Variants in IPO8 observed in about 807,000 individuals in gnomAD.
The protein encoded by IPO8 is importin 8.
Under a neutral mutation model 141.2 loss-of-function variants are expected in IPO8, and 65 were observed. The ratio of observed to expected loss-of-function variants is 0.46; its 90% CI spans 0.38 to 0.57. The LOEUF (loss-of-function observed/expected upper bound fraction) is 0.57. Among genes scored for constraint, IPO8 ranks in the 20% least tolerant of loss-of-function variants. IPO8 has a pLI of 0.00. For missense variants in IPO8, 980 were observed against 1,246.8 expected, an observed-to-expected ratio of 0.79 and a Z score of 3.22; for synonymous variants, 411 against 420.3, an observed-to-expected ratio of 0.98 and a Z score of 0.27.
At chr12:30,656,585 A>G in intron 17 of IPO8, 99 bp downstream of exon 17, 1 of 612,416 alleles carries the variant, frequency 1.6e-6, no homozygotes, top group Non-Finnish European at 2.8e-6. Flanking sequence ...CTTTCTCAAA[A>G]TTGTCCATCT....
intron 22 of IPO8, 138 bp downstream of exon 22, chr12:30,636,844 G>T: frequency 1.4e-6 from 1 of 730,830 alleles, no homozygotes; most frequent in Non-Finnish European, 2.2e-6. Context: ...AGTCAACCAA[G>T]CCCAAAATAT....
At chr12:30,652,145 AAACATT>A in intron 19 of IPO8, 41 bp downstream of exon 19, 1 of 1,086,844 alleles carries the variant, frequency 9.2e-7, no homozygotes, top group Non-Finnish European at 1.4e-6. Flanking sequence ...CAAAACAGGC[AAACATT>A]AGTTAAGAAC....
At position 30,665,357 on chromosome 12, in the gene IPO8, G is replaced by T. The variant is rs749210446; in HGVS notation, c.1339-48C>A. 6 of 1,042,850 alleles carry T rather than the reference G, an allele frequency of 5.8e-6. No homozygotes were observed. In the Admixed American group the frequency reaches 1.1e-4, roughly 20 times the overall value. 64.6% of individuals were successfully genotyped at this position (1,042,850 alleles called of 1,614,324 possible). A position where few individuals can be genotyped will look rare whatever the true frequency, so the allele number is the denominator to read the frequency against. Reference sequence around the variant, plus strand: ...TTATCAATTTCTTTTTCATACGTAAGAATCACTTCCTAATCAAGTGTGTTT... The same window carrying T: ...TTATCAATTTCTTTTTCATACGTAATAATCACTTCCTAATCAAGTGTGTTT... On this transcript the variant is annotated intron_variant, in intron 12 of 24. Transcript: ENST00000256079.
intron 13 of IPO8, among the ~76,000 whole-genome samples, chr12:30,664,513 T>A (rs2136151907): frequency 6.6e-6 from 1 of 152,314 alleles, no homozygotes; most frequent in Middle Eastern, 3.4e-3. Context: ...ACATGGATTA[T>A]TAATCTCTCC....
Position 30,674,653 on chromosome 12 carries a change from A to C in IPO8, c.824+6T>G. 6.3e-7 allele frequency: 1 copy of C among 1,581,744 alleles called. No homozygotes were observed. The highest frequency in any genetic ancestry group is 8.7e-7 in the Non-Finnish European group (1 of 1,150,686). ...ATGATCATCAATGTAATAAACAGAT[A>C]ATTACCGTTCAAAGAGCCGAGCTAC... On this transcript the variant is annotated splice_donor_region_variant and intron_variant, in intron 7 of 24. Coordinates refer to ENST00000256079, the MANE Select transcript of IPO8 (RefSeq NM_006390.4).
At chr12:30,652,361 T>C in intron 18 of IPO8, 72 bp from the exon 19 acceptor site, 1 of 879,914 alleles carries the variant, frequency 1.1e-6, no homozygotes, top group African/African-American at 1.7e-5. Flanking sequence ...ACTGAAACCA[T>C]ATTTCTGTAG....
intron 14 of IPO8, 24 bp from the exon 15 acceptor site, chr12:30,662,511 G>A: frequency 6.3e-7 from 1 of 1,581,498 alleles, no homozygotes; most frequent in Non-Finnish European, 8.7e-7. Flanking sequence ...ACAAACAAAA[G>A]TAATAAAAAT....
intron 6 of IPO8, among the ~76,000 whole-genome samples, chr12:30,675,784 CA>C (rs1411042568): frequency 6.7e-6 from 1 of 148,304 alleles, no homozygotes; most frequent in Non-Finnish European, 1.5e-5. Context: ...GCGGAGCTTG[CA>C]GTGAGCCAAG....
At chr12:30,674,855 A>G (rs2053098591) in intron 6 of IPO8, 102 bp from the exon 7 acceptor site, 1 of 793,626 alleles carries the variant, frequency 1.3e-6, no homozygotes, top group South Asian at 1.4e-5. Flanking sequence ...GTCATATTAA[A>G]TGTGAAGTTA....
chr12:30,676,235 T>C (rs1482240862), intron 6 of IPO8, among the ~76,000 whole-genome samples: 1 of 152,174 alleles, frequency 6.6e-6, no homozygotes, highest in African/African-American at 2.4e-5. Context: ...CAACGTATAC[T>C]ACTTTTATAA....
intron 16 of IPO8, among the ~76,000 whole-genome samples, chr12:30,659,569 C>T (rs1244771255): frequency 2.0e-5 from 3 of 151,422 alleles, no homozygotes; most frequent in Admixed American, 6.6e-5. Flanking sequence ...CCAACAGCTA[C>T]GGCTGGGCAC....
Position 30,662,419 on chromosome 12 carries a change from C to G in IPO8, c.1663G>C (p.Glu555Gln). ...QELLHIVRET[E>Q]NDDVTNVIQK... ...ATGACATTAGTAACATCATCATTTT[C>G]TGTCTCTCTAACAATGTGCAACAGT... is the stretch of plus-strand genomic sequence containing the variant. Residue 555 changes from glutamate to glutamine, a missense_variant, in exon 15 of 25, where the codon GAA (glutamate) becomes CAA (glutamine). This residue lies in a region of IPO8 where 924 missense variants were observed against 1,153.9 expected (regional missense o/e 0.80). Transcript: ENST00000256079. 1 of 1,613,314 alleles carries G rather than the reference C, an allele frequency of 6.2e-7. No individual in the cohort carries two copies.
rs1268807129 is a variant in IPO8 at position 30,635,009 on chromosome 12, A to C, written c.2696-723T>G. ...CAGCTTTTAAAAAGGTAATTCTGTC[A>C]ATTCCAACAACACTGATGAACTTGG... On this transcript the variant is annotated intron_variant, in intron 22 of 24. Transcript: ENST00000256079. Among the ~76,000 whole-genome samples, 6 of 152,274 alleles carry C rather than the reference A, an allele frequency of 3.9e-5. No homozygotes were observed. In the South Asian group the frequency reaches 1.0e-3, roughly 26 times the overall value.
At position 30,630,756 on chromosome 12, in the gene IPO8, A is replaced by AG; in HGVS notation, c.*103dup. 1 of 826,280 alleles carries AG rather than the reference A, an allele frequency of 1.2e-6. No homozygotes were observed. The highest frequency in any genetic ancestry group is 1.7e-5 in the African/African-American group (1 of 58,686). The allele number at this position is 826,280 out of a possible 1,614,324, so 51.2% of individuals were successfully genotyped here. ...AATGCCAGATGGTAACTGGCACAGCAGGAGGGCCCTAAAAGCAGCCCCTCA... is the reference window on the plus strand; with the variant it reads ...AATGCCAGATGGTAACTGGCACAGCAGGGAGGGCCCTAAAAGCAGCCCCTCA... On this transcript the variant is annotated 3_prime_UTR_variant, in exon 25 of 25. Transcript: ENST00000256079.
At chr12:30,676,679 G>C (rs768217325) in intron 5 of IPO8, 92 bp from the exon 6 acceptor site, 9 of 902,512 alleles carry the variant, frequency 1.0e-5, no homozygotes, top group Non-Finnish European at 1.6e-5. Context: ...ATATATGAAA[G>C]GGCTAACATT....
intron 15 of IPO8, 138 bp downstream of exon 15, chr12:30,662,189 T>C: frequency 1.6e-6 from 1 of 644,204 alleles, no homozygotes; most frequent in Non-Finnish European, 2.7e-6. Flanking sequence ...TGCACCATCG[T>C]ATATGCAATC....
intron 21 of IPO8, 71 bp downstream of exon 21, chr12:30,639,444 A>C: frequency 1.1e-6 from 1 of 942,648 alleles, no homozygotes; most frequent in Non-Finnish European, 1.7e-6. Flanking sequence ...TGTACATGCT[A>C]TTATACACAA....
intron 5 of IPO8, chr12:30,677,059 T>TGAGTTG: frequency 6.6e-7 from 1 of 1,522,622 alleles, no homozygotes; most frequent in Non-Finnish European, 8.8e-7. Context: ...TGCTGTACTG[T>TGAGTTG]GAGTTGCAGA....
At chr12:30,663,129 G>A (rs1390549604) in intron 14 of IPO8, among the ~76,000 whole-genome samples, 1 of 152,166 alleles carries the variant, frequency 6.6e-6, no homozygotes, top group Non-Finnish European at 1.5e-5. Flanking sequence ...GAATCATGAA[G>A]TCATTCAGTC....
Sources: gnomAD v4.1 joint callset for allele counts (sites outside exome capture counted in the v4.1 genomes callset) on GRCh38, gnomAD v4.1.1 for gene constraint, gnomAD v4.1.1 regional missense constraint, MANE v1.5 for transcripts, NCBI Gene and HGNC (gene_info 2026-07-23, HGNC 2026-07-21) for gene names.